FHIT: variants seen among roughly 807,000 people sequenced by gnomAD.
FHIT encodes the protein fragile histidine triad diadenosine triphosphatase, also known as bis(5'-adenosyl)-triphosphatase.
FHIT carries 19 observed loss-of-function variants against 17.9 expected under a neutral mutation model. The ratio of observed to expected loss-of-function variants is 1.06; its 90% CI spans 0.74 to 1.56. The LOEUF (loss-of-function observed/expected upper bound fraction) is 1.56, where lower values mean the gene tolerates loss of function less well. FHIT is among the 40% of genes most tolerant of loss of function. The pLI is 0.00. For synonymous variants in FHIT, 81 were observed against 69.7 expected (o/e 1.16, Z -0.81); for missense variants, 248 against 189.2 (o/e 1.31, Z -1.82).
At chr3:61,238,105 C>T (rs776642895) in intron 1 of FHIT, among the ~76,000 whole-genome samples, 1 of 152,068 alleles carries the variant, frequency 6.6e-6, no homozygotes, top group Non-Finnish European at 1.5e-5. Context: ...TTGTCCCTGC[C>T]CTCATAGTGC....
chr3:60,175,057 T>C (rs1220251238), intron 5 of FHIT, among the ~76,000 whole-genome samples: 1 of 152,214 alleles, frequency 6.6e-6, no homozygotes, highest in Non-Finnish European at 1.5e-5. Context: ...ATCCACTGCA[T>C]GCTCTCCACA....
rs141107469 is a variant in FHIT at position 59,755,317 on chromosome 3, A to G, written c.349-2996T>C. On this transcript the variant is annotated intron_variant, in intron 8 of 9. Transcript: ENST00000492590. ...TCTCTGCAGAAATAGGGAGCCTGGG[A>G]AAGGCCCTGGTGGGCAAGACTTGTG... Among the ~76,000 whole-genome samples the G allele has an allele frequency of 1.0e-3, 158 of 152,308 alleles. 1 individual carries two copies. The highest frequency in any genetic ancestry group is 3.4e-3 in the African/African-American group (143 of 41,572).
In FHIT at chr3:60,590,998, G is replaced by A. The variant is rs553025283; in HGVS notation, c.-17-54019C>T. Among the ~76,000 whole-genome samples, 16 of 152,124 alleles carry A rather than the reference G, an allele frequency of 1.1e-4. No individual in the cohort carries two copies. The South Asian group carries it at 3.3e-3, about 32-fold the overall frequency. ...AGGGAAATACTATTGCTTAATCATAGAAGTTCACCTAAACCCCATGAAAGT... is the reference window on the plus strand; with the variant it reads ...AGGGAAATACTATTGCTTAATCATAAAAGTTCACCTAAACCCCATGAAAGT... On this transcript the variant is annotated intron_variant, in intron 4 of 9. Coordinates refer to ENST00000492590, the MANE Select transcript of FHIT (RefSeq NM_002012.4).
intron 3 of FHIT, among the ~76,000 whole-genome samples, chr3:60,922,646 G>C (rs782813908): frequency 2.0e-5 from 3 of 152,098 alleles, no homozygotes; most frequent in Non-Finnish European, 2.9e-5. Context: ...TGGAAGCCTT[G>C]TTTACTCAAC....
At chr3:59,959,156 T>C (rs748987585) in intron 7 of FHIT, among the ~76,000 whole-genome samples, 1 of 152,150 alleles carries the variant, frequency 6.6e-6, no homozygotes, top group East Asian at 1.9e-4. Flanking sequence ...GCAACAAAAA[T>C]GGTCCCATGT....
At chr3:60,254,137 G>T (rs1275553617) in intron 5 of FHIT, among the ~76,000 whole-genome samples, 1 of 151,970 alleles carries the variant, frequency 6.6e-6, no homozygotes, top group Middle Eastern at 3.2e-3. Context: ...TGCTTCTTAG[G>T]GCACAATGGT....
At chr3:60,188,101 T>C (rs1390398677) in intron 5 of FHIT, among the ~76,000 whole-genome samples, 1 of 152,058 alleles carries the variant, frequency 6.6e-6, no homozygotes, top group Non-Finnish European at 1.5e-5. Flanking sequence ...ACTTGGACCA[T>C]CTACACCTTT....
intron 8 of FHIT, among the ~76,000 whole-genome samples, chr3:59,786,825 G>T (rs1194956635): frequency 6.6e-6 from 1 of 152,242 alleles, no homozygotes; most frequent in Non-Finnish European, 1.5e-5. Flanking sequence ...CAATACTCCA[G>T]CTGTTCCTGT....
At chr3:60,738,112 G>C (rs1205627407) in intron 4 of FHIT, among the ~76,000 whole-genome samples, 2 of 152,128 alleles carry the variant, frequency 1.3e-5, no homozygotes, top group African/African-American at 4.8e-5. Flanking sequence ...GAATCCGACC[G>C]GGAGAGGAAA....
chr3:60,613,139 T>A (rs1307743222), intron 4 of FHIT, among the ~76,000 whole-genome samples: 1 of 152,186 alleles, frequency 6.6e-6, no homozygotes, highest in African/African-American at 2.4e-5. Flanking sequence ...AATGCTTGAC[T>A]TTTTCTTCCT....
intron 5 of FHIT, among the ~76,000 whole-genome samples, chr3:60,169,507 G>A (rs557136175): frequency 9.2e-5 from 14 of 152,292 alleles, no homozygotes; most frequent in Non-Finnish European, 1.9e-4. Flanking sequence ...GTTTTAAACT[G>A]ACAAATTATA....
rs73840824 is a variant in FHIT at position 59,788,929 on chromosome 3, A to G, written c.349-36608T>C. On this transcript the variant is annotated intron_variant, in intron 8 of 9. Transcript: ENST00000492590. Reference sequence around the variant, plus strand: ...CAAACAGCAAGTAATCTTGCAGATCAATGCCTGAGACCAAAGAGACTTATG... The same window carrying G: ...CAAACAGCAAGTAATCTTGCAGATCGATGCCTGAGACCAAAGAGACTTATG... Among the ~76,000 whole-genome samples, 876 of 137,358 alleles carry G rather than the reference A, an allele frequency of 6.4e-3. 17 individuals are homozygous for G. The highest frequency in any genetic ancestry group is 0.023 in the African/African-American group (845 of 36,776). 90.1% of individuals were successfully genotyped at this position (137,358 alleles called of 152,430 possible).
At chr3:60,427,547 T>G (rs770017472) in intron 5 of FHIT, among the ~76,000 whole-genome samples, 1 of 152,126 alleles carries the variant, frequency 6.6e-6, no homozygotes, top group Non-Finnish European at 1.5e-5. Context: ...TACACAGCAA[T>G]AGCAATCTCC....
chr3:60,088,819 CT>C (rs1441588027), intron 5 of FHIT, among the ~76,000 whole-genome samples: 4 of 152,130 alleles, frequency 2.6e-5, no homozygotes, highest in South Asian at 4.1e-4. Context: ...GTAATTAGTA[CT>C]AGGCATACCA....
intron 5 of FHIT, among the ~76,000 whole-genome samples, chr3:60,457,364 A>C (rs1469380125): frequency 6.6e-6 from 1 of 152,188 alleles, no homozygotes; most frequent in African/African-American, 2.4e-5. Context: ...GTGCTGGGAA[A>C]ACCGGCTAGC....
At chr3:60,539,003 C>G (rs36196206) in intron 4 of FHIT, among the ~76,000 whole-genome samples, 1 of 151,926 alleles carries the variant, frequency 6.6e-6, no homozygotes, top group Admixed American at 6.6e-5. Context: ...AGTGAACAGG[C>G]AACCTACAGA....
intron 5 of FHIT, among the ~76,000 whole-genome samples, chr3:60,356,309 G>T (rs1382719252): frequency 1.3e-5 from 2 of 152,040 alleles, no homozygotes; most frequent in African/African-American, 2.4e-5. Context: ...TTCAACTGTG[G>T]TTTTTTTACT....
chr3:60,549,354 C>G (rs1388454388), intron 4 of FHIT, among the ~76,000 whole-genome samples: 1 of 152,134 alleles, frequency 6.6e-6, no homozygotes, highest in African/African-American at 2.4e-5. Context: ...GTACTTTCAT[C>G]TTTCTAAGCA....
chr3:59,987,012 T>TA (rs1349511414), intron 7 of FHIT, among the ~76,000 whole-genome samples: 1 of 122,914 alleles, frequency 8.1e-6, no homozygotes, highest in Non-Finnish European at 1.6e-5. Flanking sequence ...TATTAAAAAA[T>TA]AAAAAAATAA....
Sources: allele counts gnomAD v4.1 joint callset (sites outside exome capture counted in the v4.1 genomes callset), GRCh38; gene constraint gnomAD v4.1.1; transcripts MANE v1.5; gene names NCBI Gene and HGNC (gene_info 2026-07-23, HGNC 2026-07-21).